The following NDUFB6 variants were observed in gnomAD, a reference collection of about 807,000 sequenced individuals.
The protein encoded by NDUFB6 is NADH dehydrogenase [ubiquinone] 1 beta subcomplex subunit 6.
Under a neutral mutation model 17.5 loss-of-function variants are expected in NDUFB6, and 23 were observed. The ratio of observed to expected loss-of-function variants is 1.31; its 90% confidence interval spans 0.94 to 1.86. The LOEUF (loss-of-function observed/expected upper bound fraction) is 1.86. Among genes scored for constraint, NDUFB6 ranks in the 40% most tolerant of loss-of-function variants. NDUFB6 has a pLI of 0.00. For missense variants in NDUFB6, 167 were observed against 153.8 expected (o/e 1.09, Z -0.46); for synonymous variants, 60 against 53.5 (o/e 1.12, Z -0.53).
intron 2 of NDUFB6, among the ~76,000 whole-genome samples, chr9:32,563,722 G>T (rs1587644812): frequency 6.6e-6 from 1 of 151,944 alleles, no homozygotes; most frequent in Non-Finnish European, 1.5e-5. Flanking sequence ...GCAAATTATT[G>T]CATCAAAAAG....
chr9:32,563,878 C>A (rs1197520738), intron 2 of NDUFB6, among the ~76,000 whole-genome samples: 1 of 152,196 alleles, frequency 6.6e-6, no homozygotes, highest in Non-Finnish European at 1.5e-5. Context: ...TGCAAGCTGA[C>A]TCTGTGTCCT....
Position 32,573,067 on chromosome 9 carries a change from G to A in NDUFB6, c.-7C>T. 1 of 1,548,292 alleles carries A rather than the reference G, an allele frequency of 6.5e-7. No homozygotes were observed. Among genetic ancestry groups the A allele is most frequent in the Non-Finnish European group, 8.7e-7 (1 of 1,145,732 alleles). On this transcript the variant is annotated 5_prime_UTR_variant, in exon 1 of 4. Transcript: ENST00000379847. ...CCGGAGTGTACCCCGTCATGTCGCCGCTGGTACCAACGCAAAAGGACACGG... is the reference window on the plus strand; with the variant it reads ...CCGGAGTGTACCCCGTCATGTCGCCACTGGTACCAACGCAAAAGGACACGG...
intron 2 of NDUFB6, among the ~76,000 whole-genome samples, chr9:32,564,631 T>C (rs144781188): frequency 4.5e-4 from 69 of 152,222 alleles, no homozygotes; most frequent in African/African-American, 1.5e-3. Flanking sequence ...CCCACCCCCA[T>C]GTCCCCCAGG....
intron 2 of NDUFB6, chr9:32,568,120 AG>A (rs1821851443): frequency 6.0e-6 from 1 of 167,326 alleles, no homozygotes; most frequent in African/African-American, 2.4e-5. Context: ...CTTCTGGGAA[AG>A]AATTTACTAT....
intron 2 of NDUFB6, among the ~76,000 whole-genome samples, chr9:32,569,440 G>A (rs1046088186): frequency 2.0e-5 from 3 of 151,840 alleles, no homozygotes; most frequent in South Asian, 2.1e-4. Context: ...GGATGGTCTC[G>A]ATCTCTTGAC....
intron 2 of NDUFB6, among the ~76,000 whole-genome samples, chr9:32,562,581 A>C (rs551183605): frequency 8.5e-5 from 13 of 152,316 alleles, no homozygotes; most frequent in African/African-American, 3.1e-4. Flanking sequence ...AACTTACATA[A>C]AGCTGCAAGA....
In NDUFB6 at chr9:32,559,024, T is replaced by A. The variant is rs1036185954; in HGVS notation, c.274-70A>T. Reference sequence around the variant, plus strand: ...TCTTCTGAAAATAAGAAATAGGTCATACCCCAAATTTTAACTTAAGCTCCA... The same window carrying A: ...TCTTCTGAAAATAAGAAATAGGTCAAACCCCAAATTTTAACTTAAGCTCCA... On this transcript the variant is annotated intron_variant, in intron 2 of 3. Coordinates refer to ENST00000379847, the MANE Select transcript of NDUFB6 (RefSeq NM_002493.5). 1.6e-5 allele frequency: 18 copies of A among 1,105,022 alleles called. No individual in the cohort carries two copies. In the African/African-American group the frequency reaches 2.8e-4, roughly 17 times the overall value. 68.5% of individuals were successfully genotyped at this position (1,105,022 alleles called of 1,614,324 possible).
intron 2 of NDUFB6, chr9:32,567,214 C>T (rs772152981): frequency 2.1e-6 from 1 of 474,016 alleles, no homozygotes; most frequent in Non-Finnish European, 4.4e-6. Context: ...AGTCACAGGG[C>T]TCTACACCAG....
intron 3 of NDUFB6, among the ~76,000 whole-genome samples, chr9:32,558,613 G>C (rs1821538953): frequency 6.6e-6 from 1 of 152,202 alleles, no homozygotes; most frequent in Admixed American, 6.5e-5. Context: ...ACAGGACACA[G>C]TGAAAAACTT....
chr9:32,566,165 C>CA (rs1165293884), intron 2 of NDUFB6: 3 of 705,208 alleles, frequency 4.3e-6, no homozygotes, highest in Admixed American at 4.2e-5. Flanking sequence ...CGCTTTCACA[C>CA]AGGCCACTTC....
At chr9:32,572,684 C>G (rs1022820602) in intron 1 of NDUFB6, among the ~76,000 whole-genome samples, 197 bp downstream of exon 1, 1 of 152,188 alleles carries the variant, frequency 6.6e-6, no homozygotes, top group Non-Finnish European at 1.5e-5. Flanking sequence ...CAGTAAAAGG[C>G]ATGATTCTCT....
intron 1 of NDUFB6, among the ~76,000 whole-genome samples, 158 bp downstream of exon 1, chr9:32,572,723 C>T (rs1456150718): frequency 6.6e-6 from 1 of 152,138 alleles, no homozygotes; most frequent in Non-Finnish European, 1.5e-5. Flanking sequence ...TGGACTCCTG[C>T]CTCCCGAGAC....
Position 32,573,159 on chromosome 9 carries a change from C to A in NDUFB6, c.-99G>T. On this transcript the variant is annotated 5_prime_UTR_variant, in exon 1 of 4. Transcript: ENST00000379847. The stretch of plus-strand genomic sequence containing the variant: ...GCTCTGCAAAGCGACCTTGCGGGAA[C>A]GCCGAGCGCCGCGCGCGGTTATTAC... The A allele has an allele frequency of 8.0e-7, 1 of 1,250,916 alleles. No homozygotes were observed. The highest frequency in any genetic ancestry group is 1.6e-5 in the South Asian group (1 of 62,874). The allele number at this position is 1,250,916 out of a possible 1,614,324, so 77.5% of individuals were successfully genotyped here.
chr9:32,564,182 A>T (rs1288315404), intron 2 of NDUFB6, among the ~76,000 whole-genome samples: 1 of 152,216 alleles, frequency 6.6e-6, no homozygotes, highest in Non-Finnish European at 1.5e-5. Flanking sequence ...TTCTAGGTCT[A>T]TCAATACATT....
At chr9:32,572,768 G>T in intron 1 of NDUFB6, 113 bp downstream of exon 1, 1 of 995,872 alleles carries the variant, frequency 1.0e-6, no homozygotes, top group Non-Finnish European at 1.4e-6. Flanking sequence ...CAGTGTCCCA[G>T]AGCACTGAGC....
At chr9:32,572,677 T>C (rs1025654227) in intron 1 of NDUFB6, among the ~76,000 whole-genome samples, 3 of 152,160 alleles carry the variant, frequency 2.0e-5, no homozygotes, top group East Asian at 3.8e-4. Context: ...TACTTGACAG[T>C]AAAAGGCATG....
intron 2 of NDUFB6, among the ~76,000 whole-genome samples, chr9:32,568,977 C>T (rs932227640): frequency 7.9e-5 from 12 of 151,468 alleles, no homozygotes; most frequent in South Asian, 6.3e-4. Context: ...TCTTGAACTC[C>T]TGACCTCGTG....
At chr9:32,572,653 G>A (rs897612683) in intron 1 of NDUFB6, among the ~76,000 whole-genome samples, 3 of 152,042 alleles carry the variant, frequency 2.0e-5, no homozygotes, top group Non-Finnish European at 4.4e-5. Flanking sequence ...ATTAAAATTC[G>A]CCCCCGTCCA....
chr9:32,553,992 GGT>G (rs1454250042), intron 3 of NDUFB6, 48 bp from the exon 4 acceptor site: 1 of 1,198,588 alleles, frequency 8.3e-7, no homozygotes, highest in Non-Finnish European at 1.2e-6. Flanking sequence ...AGTCTACAGA[GGT>G]GATAGTTCTA....
Sources: allele counts gnomAD v4.1 joint callset (sites outside exome capture counted in the v4.1 genomes callset), GRCh38; gene constraint gnomAD v4.1.1; transcripts MANE v1.5; gene names NCBI Gene and HGNC (gene_info 2026-07-23, HGNC 2026-07-21).